TANC1: variants seen among roughly 807,000 people sequenced by gnomAD.
TANC1 encodes protein TANC1.
Under a neutral mutation model 149.7 loss-of-function variants are expected in TANC1, and 77 were observed. The observed-to-expected ratio is 0.51, with a 90% CI of 0.43 to 0.62. TANC1 has a LOEUF of 0.62. Among genes scored for constraint, TANC1 ranks in the 20% least tolerant of loss-of-function variants. TANC1 has a pLI of 0.00. For missense variants in TANC1, 1,985 were observed against 2,321.8 expected, an observed-to-expected ratio of 0.85 and a Z score of 2.98; for synonymous variants, 854 against 925.0, an observed-to-expected ratio of 0.92 and a Z score of 1.39.
At chr2:159,016,673 C>T (rs544102633) in intron 2 of TANC1, among the ~76,000 whole-genome samples, 121 of 151,278 alleles carry the variant, frequency 8.0e-4, no homozygotes, top group Non-Finnish European at 1.3e-3. Context: ...CTCCCGGGTT[C>T]ATGCCATTTT....
chr2:159,170,168 G>A (rs1300247738), intron 9 of TANC1, among the ~76,000 whole-genome samples: 2 of 152,304 alleles, frequency 1.3e-5, no homozygotes, highest in African/African-American at 4.8e-5. Context: ...CAGGGAAGAA[G>A]CACGTCTTAA....
intron 24 of TANC1, 159 bp downstream of exon 24, chr2:159,225,938 T>C (rs2059998554): frequency 2.9e-6 from 2 of 679,248 alleles, no homozygotes; most frequent in Non-Finnish European, 5.3e-6. Context: ...CTCCAGCACT[T>C]TTGGAGGCCG....
chr2:159,102,712 CTTTTTTTTTTTT>C, intron 4 of TANC1, among the ~76,000 whole-genome samples: 1 of 27,114 alleles, frequency 3.7e-5, no homozygotes, highest in African/African-American at 1.3e-4. Context: ...TGGATATTTG[CTTTTTTTTTTTT>C]TTTTTTTTTT....
intron 4 of TANC1, among the ~76,000 whole-genome samples, chr2:159,122,502 A>T (rs2048957047): frequency 6.6e-6 from 1 of 152,112 alleles, no homozygotes; most frequent in South Asian, 2.1e-4. Flanking sequence ...CATTGTACAG[A>T]TCTGTGACTG....
Position 159,170,774 on chromosome 2 carries a change from T to C in TANC1, c.1320T>C (p.Ile440=), listed in dbSNP as rs746939087. The C allele has an allele frequency of 1.2e-6, 2 of 1,614,188 alleles. No homozygotes were observed. Among genetic ancestry groups the C allele is most frequent in the South Asian group, 2.2e-5 (2 of 91,080 alleles). The change falls in exon 10 of 27, where the codon ATT becomes ATC. Residue 440 remains isoleucine (I), a synonymous_variant. Transcript: ENST00000263635. The part of the protein sequence containing the change: ...LSCHGSRMRQ[I]ASNSPGSSPK... ...GCCACGGAAGCCGCATGAGGCAGATTGCTTCCAACAGCCCGGGTTCATCAC... is the reference window on the plus strand; with the variant it reads ...GCCACGGAAGCCGCATGAGGCAGATCGCTTCCAACAGCCCGGGTTCATCAC...
intron 3 of TANC1, among the ~76,000 whole-genome samples, chr2:159,078,603 T>C (rs958511729): frequency 1.3e-5 from 2 of 152,204 alleles, no homozygotes; most frequent in African/African-American, 4.8e-5. Flanking sequence ...TTAAACCTCT[T>C]AGAGCTACAT....
At chr2:159,133,915 C>G (rs1421103269) in intron 4 of TANC1, among the ~76,000 whole-genome samples, 1 of 152,212 alleles carries the variant, frequency 6.6e-6, no homozygotes, top group Non-Finnish European at 1.5e-5. Flanking sequence ...ATGTAGTACA[C>G]CCATGTAGCT....
rs116568599 is a variant in TANC1, at chr2:159,200,709, A to C, written c.3244+1656A>C. Reference sequence around the variant, plus strand: ...TTATCTAGATCAGAATTCTTGGCACAGTTTGGCTGGATTCTCTACTTCAGG... The same window carrying C: ...TTATCTAGATCAGAATTCTTGGCACCGTTTGGCTGGATTCTCTACTTCAGG... On this transcript the variant is annotated intron_variant, in intron 19 of 26. Transcript: ENST00000263635. Among the ~76,000 whole-genome samples the C allele has an allele frequency of 5.8e-3, 886 of 152,314 alleles. 9 individuals carry two copies. The highest frequency in any genetic ancestry group is 0.02 in the African/African-American group (815 of 41,566).
chr2:159,092,476 TA>T (rs778911408), intron 3 of TANC1, among the ~76,000 whole-genome samples: 1 of 152,210 alleles, frequency 6.6e-6, no homozygotes. Context: ...CCTGTAATGG[TA>T]AAAACATTTT....
At chr2:159,214,902 C>G (rs2059247117) in intron 19 of TANC1, among the ~76,000 whole-genome samples, 1 of 152,158 alleles carries the variant, frequency 6.6e-6, no homozygotes, top group Non-Finnish European at 1.5e-5. Flanking sequence ...AAGAAACAGG[C>G]CATCATCTGG....
intron 23 of TANC1, 24 bp from the exon 24 acceptor site, chr2:159,225,664 T>C: frequency 6.2e-7 from 1 of 1,604,874 alleles, no homozygotes; most frequent in Non-Finnish European, 8.5e-7. Flanking sequence ...CTGAAGTGCC[T>C]CTGAATGCGT....
At chr2:159,122,745 C>T (rs2048984113) in intron 4 of TANC1, among the ~76,000 whole-genome samples, 1 of 146,518 alleles carries the variant, frequency 6.8e-6, no homozygotes, top group Admixed American at 7.1e-5. Context: ...TAGTGGGTAT[C>T]AATTCTTTTT....
At chr2:159,179,737 G>A (rs1369216570) in intron 14 of TANC1, among the ~76,000 whole-genome samples, 1 of 152,224 alleles carries the variant, frequency 6.6e-6, no homozygotes, top group Non-Finnish European at 1.5e-5. Context: ...GTGGTGGACT[G>A]GACCAGGCTG....
intron 2 of TANC1, among the ~76,000 whole-genome samples, chr2:159,044,677 G>GTC (rs1366723765): frequency 6.6e-6 from 1 of 152,126 alleles, no homozygotes; most frequent in East Asian, 1.9e-4. Flanking sequence ...GCAAGCAGGA[G>GTC]TCCCCAAGAC....
At chr2:159,145,496 A>G (rs548108466) in intron 5 of TANC1, among the ~76,000 whole-genome samples, 1 of 152,334 alleles carries the variant, frequency 6.6e-6, no homozygotes, top group African/African-American at 2.4e-5. Context: ...TCAGTACCCA[A>G]AAGGATCTGG....
At chr2:159,190,494 C>T (rs1215847125) in intron 16 of TANC1, among the ~76,000 whole-genome samples, 1 of 152,058 alleles carries the variant, frequency 6.6e-6, no homozygotes, top group Non-Finnish European at 1.5e-5. Flanking sequence ...CTGATTCTGT[C>T]CACGCTGTTA....
At chr2:159,167,645 A>C (rs1189103817) in intron 8 of TANC1, among the ~76,000 whole-genome samples, 1 of 152,178 alleles carries the variant, frequency 6.6e-6, no homozygotes, top group Admixed American at 6.5e-5. Context: ...TCGTGAAGTC[A>C]AGGTTTCAGG....
intron 3 of TANC1, among the ~76,000 whole-genome samples, chr2:159,088,107 C>A (rs1261120070): frequency 6.6e-6 from 1 of 151,732 alleles, no homozygotes; most frequent in East Asian, 1.9e-4. Flanking sequence ...AGAAAGTAAA[C>A]TTCTGTTGTT....
chr2:159,191,272 G>A lies in TANC1; in HGVS notation c.2743-2985G>A, dbSNP rs183404857. Among the ~76,000 whole-genome samples, 13 of 152,286 alleles carry A rather than the reference G, an allele frequency of 8.5e-5. No individual in the cohort carries two copies. In the East Asian group the frequency reaches 1.4e-3, roughly 16 times the overall value. On this transcript the variant is annotated intron_variant, in intron 16 of 26. Coordinates refer to ENST00000263635, the MANE Select transcript of TANC1 (RefSeq NM_033394.3). ...GTGGGTCATCCCCATCCATGGAGGG[G>A]CTCTGTTTGCCTTTCTTCTCTGTGA...
Sources: allele counts gnomAD v4.1 joint callset (sites outside exome capture counted in the v4.1 genomes callset), GRCh38; gene constraint gnomAD v4.1.1; transcripts MANE v1.5; gene names NCBI Gene and HGNC (gene_info 2026-07-23, HGNC 2026-07-21).